Variants in VWF observed in about 807,000 individuals in gnomAD.
The protein encoded by VWF is Factor VIII related antigen.
In VWF, 176 loss-of-function variants were observed where a neutral mutation model predicts 308.6. The ratio of observed to expected loss-of-function variants is 0.57; its 90% CI spans 0.50 to 0.65. The LOEUF is 0.65. Ranked by LOEUF, VWF falls within the 30% of genes least tolerant of loss-of-function variation. The pLI is 0.00. For missense variants in VWF, 3,146 were observed against 3,648.2 expected, an observed-to-expected ratio of 0.86 and a Z score of 3.55; for synonymous variants, 1,385 against 1,443.4, an observed-to-expected ratio of 0.96 and a Z score of 0.92.
At chr12:6,103,751 C>A (rs1241522868) in intron 5 of VWF, among the ~76,000 whole-genome samples, 3 of 149,716 alleles carry the variant, frequency 2.0e-5, no homozygotes, top group African/African-American at 7.3e-5. Flanking sequence ...TCACCATATA[C>A]AAAAAAAAAT....
chr12:6,092,603 T>TGAG (rs1565386572), intron 6 of VWF, among the ~76,000 whole-genome samples: 1 of 65,436 alleles, frequency 1.5e-5, no homozygotes, highest in African/African-American at 6.6e-5. Flanking sequence ...CCCAGCTAGT[T>TGAG]AGTGAGTGAG....
intron 7 of VWF, 56 bp from the exon 8 acceptor site, chr12:6,073,797 TCAC>T: frequency 1.9e-6 from 3 of 1,610,424 alleles, no homozygotes; most frequent in Non-Finnish European, 2.5e-6. Context: ...GTGCATCATC[TCAC>T]CAGCCATGCC....
At chr12:6,000,669 A>G (rs569853401) in intron 34 of VWF, among the ~76,000 whole-genome samples, 11 of 151,910 alleles carry the variant, frequency 7.2e-5, no homozygotes, top group Admixed American at 4.6e-4. Flanking sequence ...AAAATTAGCC[A>G]GGCGTGGTGG....
At position 6,065,248 on chromosome 12, in the gene VWF, T is replaced by G. The variant is rs1800376; in HGVS notation, c.1182A>C (p.Ser394=). The G allele has an allele frequency of 0.16, 254,635 of 1,613,308 alleles. 26,030 individuals carry two copies. Among genetic ancestry groups the G allele is most frequent in the African/African-American group, 0.5 (37,475 of 74,758 alleles). ...CPGECLVTGQ[S]HFKSFDNRYF... ...ATCTGTTGTCAAAGCTCTTGAAGTGTGATTGACCTGTGACAAGGCACTCCC... is the reference window on the plus strand; with the variant it reads ...ATCTGTTGTCAAAGCTCTTGAAGTGGGATTGACCTGTGACAAGGCACTCCC... The change falls in exon 11 of 52, where the codon TCA becomes TCC. Residue 394 remains serine, a synonymous_variant. Coordinates refer to ENST00000261405, the MANE Select transcript of VWF (RefSeq NM_000552.5).
intron 5 of VWF, among the ~76,000 whole-genome samples, chr12:6,100,314 C>A (rs897460956): frequency 2.0e-5 from 3 of 148,590 alleles, no homozygotes; most frequent in African/African-American, 5.2e-5. Context: ...CTAGTTCAAC[C>A]ATTGTGGAAG....
chr12:6,028,200 C>G (rs1405798955), intron 22 of VWF, among the ~76,000 whole-genome samples: 1 of 152,004 alleles, frequency 6.6e-6, no homozygotes, highest in Non-Finnish European at 1.5e-5. Context: ...ACTGTTGGAC[C>G]CTAAATAGTG....
chr12:6,021,970 C>A lies in VWF; in HGVS notation c.3604G>T (p.Ala1202Ser). ...DPEDCPVCEV[A>S]GRRFASGKKV... ...TTTCCTGAGGCAAAACGCCGGCCAG[C>A]CACCTCACACACTGGACAGTCTTCA... The change falls in exon 27 of 52, where the codon GCT (alanine) becomes TCT (serine). Residue 1202 changes from alanine (A) to serine (S), a missense_variant. Around this residue, in one of 3 missense-constraint regions of VWF, gnomAD observed 853 missense variants for 1,177.8 expected, o/e 0.72. Transcript: ENST00000261405. The A allele has an allele frequency of 6.2e-7, 1 of 1,614,186 alleles. No homozygotes were observed. The highest frequency in any genetic ancestry group is 1.1e-5 in the South Asian group (1 of 91,076).
intron 10 of VWF, among the ~76,000 whole-genome samples, chr12:6,065,866 C>T (rs955724561): frequency 1.7e-4 from 26 of 152,166 alleles, no homozygotes; most frequent in Non-Finnish European, 1.5e-5. Context: ...AATGGGGACT[C>T]CATCCTCCTC....
At chr12:6,032,361 C>A (rs1270113648) in intron 20 of VWF, among the ~76,000 whole-genome samples, 1 of 147,376 alleles carries the variant, frequency 6.8e-6, no homozygotes, top group Non-Finnish European at 1.5e-5. Context: ...AAAAAGAGGC[C>A]GGGCATGGTG....
chr12:6,066,087 C>A (rs561555852), intron 10 of VWF, among the ~76,000 whole-genome samples: 2 of 152,348 alleles, frequency 1.3e-5, no homozygotes, highest in Admixed American at 6.5e-5. Flanking sequence ...CTTCATCACC[C>A]TGCAACCCAA....
rs113015394 is a variant in VWF at position 6,057,480 on chromosome 12, T to TTTATTTATTATTA, written c.1729+368_1729+369insTAATAATAAATAA. 7.4e-3 allele frequency among the ~76,000 whole-genome samples: 965 copies of TTTATTTATTATTA among 129,542 alleles called. 4 individuals are homozygous for TTTATTTATTATTA. The highest frequency in any genetic ancestry group is 0.015 in the Middle Eastern group (4 of 266). The allele number at this position is 129,542 out of a possible 152,430, so 85.0% of individuals were successfully genotyped here. A position where few individuals can be genotyped will look rare whatever the true frequency, so the allele number is the denominator to read the frequency against. The stretch of plus-strand genomic sequence containing the variant: ...GGCGCGCCCCACCACGCCCGGCAAA[T>TTTATTTATTATTA]TTATTATTATTATTATTATTATTAT... On this transcript the variant is annotated intron_variant, in intron 14 of 51. Transcript: ENST00000261405.
intron 23 of VWF, 100 bp downstream of exon 23, chr12:6,025,806 C>T: frequency 1.9e-6 from 3 of 1,603,258 alleles, no homozygotes; most frequent in South Asian, 2.2e-5. Context: ...GGAGGTCATA[C>T]CACCCACAAC....
At position 6,087,964 on chromosome 12, in the gene VWF, C is replaced by T. The variant is rs150845761; in HGVS notation, c.657+7496G>A. ...ATCGCCTTGAGGAGGTGATCCTGAGCGAGGAGATGATGGTCACAGAGACTG... is the reference window on the plus strand; with the variant it reads ...ATCGCCTTGAGGAGGTGATCCTGAGTGAGGAGATGATGGTCACAGAGACTG... On this transcript the variant is annotated intron_variant, in intron 6 of 51. Coordinates refer to ENST00000261405, the MANE Select transcript of VWF (RefSeq NM_000552.5). Among the ~76,000 whole-genome samples, 317 of 152,124 alleles carry T rather than the reference C, an allele frequency of 2.1e-3. 1 individual carries two copies. Among genetic ancestry groups the T allele is most frequent in the Non-Finnish European group, 3.1e-3 (213 of 67,976 alleles).
At chr12:6,027,875 C>CACACACAA (rs1812550127) in intron 22 of VWF, among the ~76,000 whole-genome samples, 1 of 87,648 alleles carries the variant, frequency 1.1e-5, no homozygotes, top group Non-Finnish European at 2.6e-5. Flanking sequence ...CACACACACA[C>CACACACAA]ACACACACCC....
rs898127207 is a variant in VWF, at chr12:6,063,880, T to C, written c.1432+366A>G. Among the ~76,000 whole-genome samples the C allele has an allele frequency of 6.6e-6, 1 of 152,014 alleles. No homozygotes were observed. Among genetic ancestry groups the C allele is most frequent in the Non-Finnish European group, 1.5e-5 (1 of 68,016 alleles). On this transcript the variant is annotated intron_variant, in intron 12 of 51. Transcript: ENST00000261405. This position sits in a 1 kb window ranked among gnomAD's most constrained non-coding sequence, Gnocchi z 4.9. Reference sequence around the variant, plus strand: ...ACCAGCCACCCCCGATCTCTCAGCATCAGCCTCTGCCCCTGTCCCACCCCA... The same window carrying C: ...ACCAGCCACCCCCGATCTCTCAGCACCAGCCTCTGCCCCTGTCCCACCCCA...
chr12:6,025,789 G>C (rs1413555055), intron 23 of VWF, 96 bp from the exon 24 acceptor site: 5 of 1,581,376 alleles, frequency 3.2e-6, no homozygotes, highest in African/African-American at 1.3e-5. Flanking sequence ...CCACCCTGCA[G>C]CCACCTGGAG....
intron 47 of VWF, among the ~76,000 whole-genome samples, chr12:5,956,683 A>G (rs2136343136): frequency 6.6e-6 from 1 of 152,206 alleles, no homozygotes; most frequent in African/African-American, 2.4e-5. Context: ...AAATTTCAAA[A>G]ATAGGAAAAA....
chr12:6,073,109 C>T (rs540028390), intron 8 of VWF, among the ~76,000 whole-genome samples: 1 of 152,216 alleles, frequency 6.6e-6, no homozygotes, highest in East Asian at 1.9e-4. Flanking sequence ...TCAAGTGATC[C>T]GCCCATCTCG....
At position 5,971,635 on chromosome 12, in the gene VWF, G is replaced by A; in HGVS notation, c.7512C>T (p.Gly2504=). The part of the protein sequence containing the change: ...CLPSACEVVT[G]SPRGDSQSSW... ...AAGACTGGGAGTCCCCCCGCGGTGA[G>A]CCAGTCACCACCTCACAGGCAGATG... is the stretch of plus-strand genomic sequence containing the variant. The change falls in exon 44 of 52, where the codon GGC becomes GGT. Residue 2504 remains glycine (G), a synonymous_variant. Coordinates refer to ENST00000261405, the MANE Select transcript of VWF (RefSeq NM_000552.5). 3 of 1,614,212 alleles carry A rather than the reference G, an allele frequency of 1.9e-6. No individual in the cohort carries two copies. Among genetic ancestry groups the A allele is most frequent in the Non-Finnish European group, 2.5e-6 (3 of 1,180,038 alleles).
Sources: allele counts gnomAD v4.1 joint callset (sites outside exome capture counted in the v4.1 genomes callset), GRCh38; gene constraint gnomAD v4.1.1; regional missense constraint gnomAD v4.1.1; non-coding constraint Gnocchi (gnomAD v3.1); transcripts MANE v1.5; gene names NCBI Gene and HGNC (gene_info 2026-07-23, HGNC 2026-07-21).